Variants in KIRREL3 observed in about 807,000 individuals in gnomAD.
KIRREL3 encodes kin of IRRE-like protein 3.
KIRREL3 carries 36 observed loss-of-function variants against 89.7 expected under a neutral mutation model. The observed-to-expected ratio is 0.40, with a 90% CI of 0.31 to 0.53. The LOEUF is 0.53. Ranked by LOEUF, KIRREL3 falls within the 20% of genes least tolerant of loss-of-function variation. The pLI is 0.49. For synonymous variants in KIRREL3, 445 were observed against 441.4 expected (o/e 1.01, Z -0.10); for missense variants, 864 against 1,056.6 (o/e 0.82, Z 2.53).
chr11:126,510,888 G>T (rs1207870074), intron 4 of KIRREL3, among the ~76,000 whole-genome samples: 1 of 152,184 alleles, frequency 6.6e-6, no homozygotes, highest in Non-Finnish European at 1.5e-5. Context: ...CTCTGCTGTT[G>T]CTCCTCTTCA....
At chr11:126,500,509 G>T (rs928112686) in intron 4 of KIRREL3, among the ~76,000 whole-genome samples, 1 of 152,180 alleles carries the variant, frequency 6.6e-6, no homozygotes, top group African/African-American at 2.4e-5. Context: ...GGAGGCCGAG[G>T]CGAGTGGATC....
chr11:126,497,326 G>A (rs1401197201), intron 4 of KIRREL3, among the ~76,000 whole-genome samples: 1 of 152,146 alleles, frequency 6.6e-6, no homozygotes, highest in Non-Finnish European at 1.5e-5. Context: ...AAGACAGAGA[G>A]AGAGAGACTC....
In KIRREL3 at chr11:126,768,170, A is replaced by ATCCATCCAATCC. The variant is rs1171306684; in HGVS notation, c.56-205259_56-205258insGGATTGGATGGA. 6.4e-3 allele frequency among the ~76,000 whole-genome samples: 511 copies of ATCCATCCAATCC among 79,868 alleles called. 2 individuals carry two copies. Among genetic ancestry groups the ATCCATCCAATCC allele is most frequent in the Admixed American group, 0.012 (94 of 7,536 alleles). 52.4% of individuals were successfully genotyped at this position (79,868 alleles called of 152,430 possible). ...CATCCATCCATCCATCCATCCATCC[A>ATCCATCCAATCC]ATCCATCCATCCATCCATCCATCCA... On this transcript the variant is annotated intron_variant, in intron 1 of 16. Transcript: ENST00000525144. The surrounding 1 kb of genome is among the most constrained non-coding windows in gnomAD (Gnocchi z 4.5).
In KIRREL3 at chr11:126,715,950, CAG is replaced by C. The variant is rs1393475716; in HGVS notation, c.56-153040_56-153039del. Among the ~76,000 whole-genome samples, 1 of 152,262 alleles carries C rather than the reference CAG, an allele frequency of 6.6e-6. No homozygotes were observed. Among genetic ancestry groups the C allele is most frequent in the East Asian group, 1.9e-4 (1 of 5,186 alleles). On this transcript the variant is annotated intron_variant, in intron 1 of 16. Transcript: ENST00000525144. This position sits in a 1 kb window ranked among gnomAD's most constrained non-coding sequence, Gnocchi z 4.4. ...CTTAGCACAGGATGCAATTTATCTT[CAG>C]AGAGTACCCTCCATACACCCAATGT...
chr11:126,541,756 C>T lies in KIRREL3; in HGVS notation c.134-15069G>A, dbSNP rs572361711. Among the ~76,000 whole-genome samples the T allele has an allele frequency of 5.9e-5, 9 of 152,150 alleles. No homozygotes were observed. The East Asian group carries it at 1.6e-3, about 26-fold the overall frequency. ...CACATCCTAAGGGCACTGTTGTGTG[C>T]CCACAGCACGGGCTTGTGGGCCTGG... On this transcript the variant is annotated intron_variant, in intron 2 of 16. Coordinates refer to ENST00000525144, the MANE Select transcript of KIRREL3 (RefSeq NM_032531.4). This position sits in a 1 kb window ranked among gnomAD's most constrained non-coding sequence, Gnocchi z 4.8.
chr11:126,725,860 T>C (rs73571596), intron 1 of KIRREL3, among the ~76,000 whole-genome samples: 9,283 of 152,298 alleles, frequency 0.061, 367 homozygotes, highest in African/African-American at 0.11. Flanking sequence ...TTCCCCTCGC[T>C]GAGTCTCAGT....
At chr11:126,510,035 A>G (rs1366390663) in intron 4 of KIRREL3, among the ~76,000 whole-genome samples, 2 of 150,874 alleles carry the variant, frequency 1.3e-5, no homozygotes, top group Admixed American at 6.6e-5. Flanking sequence ...AGAAAAAAAG[A>G]AAAAAAAGAA....
At position 126,665,534 on chromosome 11, in the gene KIRREL3, A is replaced by G. The variant is rs1591914276; in HGVS notation, c.56-102622T>C. 2.0e-5 allele frequency among the ~76,000 whole-genome samples: 3 copies of G among 152,178 alleles called. No homozygotes were observed. The South Asian group carries it at 6.2e-4, about 32-fold the overall frequency. ...GGGTGGAGCCCTCATGAATGAAATT[A>G]GTGACCTTGTGAAAGAGGCCCCAGA... On this transcript the variant is annotated intron_variant, in intron 1 of 16. Coordinates refer to ENST00000525144, the MANE Select transcript of KIRREL3 (RefSeq NM_032531.4).
chr11:126,674,712 T>C (rs909946996), intron 1 of KIRREL3, among the ~76,000 whole-genome samples: 3 of 152,198 alleles, frequency 2.0e-5, no homozygotes, highest in Non-Finnish European at 4.4e-5. Context: ...GGCAGGGGCT[T>C]TGAGTTGTCA....
chr11:126,778,426 C>T lies in KIRREL3; in HGVS notation c.56-215514G>A, dbSNP rs542942586. On this transcript the variant is annotated intron_variant, in intron 1 of 16. Transcript: ENST00000525144. The surrounding 1 kb of genome is among the most constrained non-coding windows in gnomAD (Gnocchi z 4.5). ...CTATGTCCATAAATACACTTCCACA[C>T]CATAGCATTTAATGTCTACAAGCTA... is the stretch of plus-strand genomic sequence containing the variant. 1.3e-3 allele frequency among the ~76,000 whole-genome samples: 192 copies of T among 152,304 alleles called. No homozygotes were observed. Among genetic ancestry groups the T allele is most frequent in the African/African-American group, 4.4e-3 (185 of 41,578 alleles).
intron 1 of KIRREL3, among the ~76,000 whole-genome samples, chr11:126,827,078 A>C (rs551298990): frequency 6.6e-6 from 1 of 152,056 alleles, no homozygotes; most frequent in Admixed American, 6.5e-5. Flanking sequence ...TTCCTGTTTT[A>C]CTGCTTGGTA....
intron 1 of KIRREL3, among the ~76,000 whole-genome samples, chr11:126,835,020 A>G (rs1055280612): frequency 6.6e-6 from 1 of 152,162 alleles, no homozygotes; most frequent in Non-Finnish European, 1.5e-5. Context: ...CCACTTCCCT[A>G]CTTTCCAGAA....
chr11:126,632,349 G>T (rs901270634), intron 1 of KIRREL3, among the ~76,000 whole-genome samples: 1 of 152,144 alleles, frequency 6.6e-6, no homozygotes, highest in Non-Finnish European at 1.5e-5. Context: ...ACTGACTGTG[G>T]TGTGACCCAG....
intron 1 of KIRREL3, among the ~76,000 whole-genome samples, chr11:126,919,437 C>T (rs1182184634): frequency 6.6e-6 from 1 of 152,210 alleles, no homozygotes; most frequent in East Asian, 1.9e-4. Flanking sequence ...AGGATGGAAA[C>T]TACTTTAAAC....
chr11:126,869,677 T>C lies in KIRREL3; in HGVS notation c.55+130778A>G, dbSNP rs935560115. ...CCGCCTCAGGGTGCTCTCATCATAG[T>C]GTTCAACTTACACACCCCTGACCTC... On this transcript the variant is annotated intron_variant, in intron 1 of 16. Coordinates refer to ENST00000525144, the MANE Select transcript of KIRREL3 (RefSeq NM_032531.4). Among the ~76,000 whole-genome samples the C allele has an allele frequency of 3.3e-5, 5 of 152,244 alleles. No homozygotes were observed. The East Asian group carries it at 9.7e-4, about 29-fold the overall frequency.
At chr11:126,681,120 C>G (rs760968002) in intron 1 of KIRREL3, among the ~76,000 whole-genome samples, 7 of 152,196 alleles carry the variant, frequency 4.6e-5, no homozygotes, top group Non-Finnish European at 8.8e-5. Context: ...ACTTGTAGCT[C>G]TCTCCCAGGT....
rs547374385 is a variant in KIRREL3, at chr11:126,459,393, C to T, written c.743-2939G>A. Reference sequence around the variant, plus strand: ...CTGCACTTTCCCTTCCTCTTAGCATCGTCTTTGGTGATCACCTGCCCCGAA... The same window carrying T: ...CTGCACTTTCCCTTCCTCTTAGCATTGTCTTTGGTGATCACCTGCCCCGAA... On this transcript the variant is annotated intron_variant, in intron 6 of 16. Transcript: ENST00000525144. The surrounding 1 kb of genome is among the most constrained non-coding windows in gnomAD (Gnocchi z 4.8). Among the ~76,000 whole-genome samples the T allele has an allele frequency of 3.3e-5, 5 of 152,276 alleles. No individual in the cohort carries two copies. The highest frequency in any genetic ancestry group is 7.2e-5 in the African/African-American group (3 of 41,558).
chr11:126,857,762 G>A (rs1944571295), intron 1 of KIRREL3, among the ~76,000 whole-genome samples: 1 of 131,866 alleles, frequency 7.6e-6, no homozygotes, highest in Admixed American at 8.3e-5. Context: ...AATGCGTGTG[G>A]GAGAAAAGTC....
intron 1 of KIRREL3, among the ~76,000 whole-genome samples, chr11:126,572,954 C>T (rs992748790): frequency 3.9e-5 from 6 of 152,216 alleles, no homozygotes; most frequent in African/African-American, 1.2e-4. Context: ...CACATGCTGC[C>T]GAATGAGTAG....
Sources: gnomAD v4.1 joint callset for allele counts (sites outside exome capture counted in the v4.1 genomes callset) on GRCh38, gnomAD v4.1.1 for gene constraint, Gnocchi (gnomAD v3.1) non-coding constraint, MANE v1.5 for transcripts, NCBI Gene and HGNC (gene_info 2026-07-23, HGNC 2026-07-21) for gene names.